ZNF891: variants seen among roughly 807,000 people sequenced by gnomAD.
ZNF891 encodes hCG1646157.
For synonymous variants in ZNF891, 199 were observed against 209.0 expected (o/e 0.95, Z 0.41); for missense variants, 589 against 632.7 (o/e 0.93, Z 0.74).
chr12:133,110,565 G>A lies in ZNF891; in HGVS notation c.*9719C>T, dbSNP rs372943031. ...AAAGCAACAATCAAATGCTTTGGGA[G>A]ACTTAAGATACTCACAAATAGGTAA... is the stretch of plus-strand genomic sequence containing the variant. On this transcript the variant is annotated 3_prime_UTR_variant, in exon 2 of 2. Transcript: ENST00000537226. 3 of 152,210 alleles carry A rather than the reference G, an allele frequency of 2.0e-5. No individual in the cohort carries two copies. The highest frequency in any genetic ancestry group is 1.9e-4 in the East Asian group (1 of 5,200). The allele number at this position is 152,210 out of a possible 1,614,324, so 9.4% of individuals were successfully genotyped here.
At position 133,109,110 on chromosome 12, in the gene ZNF891, G is replaced by A. The variant is rs543747501; in HGVS notation, c.*11174C>T. The stretch of plus-strand genomic sequence containing the variant: ...AAGATTGGACACCTCTGCTTTAGAG[G>A]GAGATGTAACTATCAATGAATTATT... On this transcript the variant is annotated 3_prime_UTR_variant, in exon 2 of 2. Transcript: ENST00000537226. The A allele has an allele frequency of 1.3e-5, 2 of 152,320 alleles. No homozygotes were observed. The highest frequency in any genetic ancestry group is 3.9e-4 in the East Asian group (2 of 5,176). The allele number at this position is 152,320 out of a possible 1,614,324, so 9.4% of individuals were successfully genotyped here. A position where few individuals can be genotyped will look rare whatever the true frequency, so the allele number is the denominator to read the frequency against.
rs1022140557 is a variant in ZNF891 at position 133,105,251 on chromosome 12, A to G, written c.*15033T>C. Among the ~76,000 whole-genome samples, 6 of 152,196 alleles carry G rather than the reference A, an allele frequency of 3.9e-5. No homozygotes were observed. The highest frequency in any genetic ancestry group is 1.9e-4 in the East Asian group (1 of 5,192). ...GAAGACTAGCAACCTATCCTTCACA[A>G]ATATTTCCTGATAGCTCTATTTTCC... On this transcript the variant is annotated 3_prime_UTR_variant, in exon 2 of 2. Transcript: ENST00000537226.
At chr12:133,127,362 T>G (rs1238278864) in intron 1 of ZNF891, among the ~76,000 whole-genome samples, 2 of 152,152 alleles carry the variant, frequency 1.3e-5, no homozygotes, top group Non-Finnish European at 2.9e-5. Context: ...CATCATGAAA[T>G]TTTTGAATAC....
chr12:133,123,225 G>A (rs1488281268), intron 1 of ZNF891, among the ~76,000 whole-genome samples: 1 of 152,128 alleles, frequency 6.6e-6, no homozygotes, highest in Admixed American at 6.6e-5. Flanking sequence ...AGCGTATATA[G>A]GTCTGTCACT....
At position 133,120,779 on chromosome 12, in the gene ZNF891, T is replaced by A; in HGVS notation, c.1140A>T (p.Gln380His). 1 of 1,570,284 alleles carries A rather than the reference T, an allele frequency of 6.4e-7. No homozygotes were observed. ...HTGEKPYECN[Q>H]CGKAFSQKTS... is the part of the protein sequence containing the mutation. ...TTTTTTGACTGAAAGCTTTTCCACATTGATTACATTCATAGGGTTTCTCTC... is the reference window on the plus strand; with the variant it reads ...TTTTTTGACTGAAAGCTTTTCCACAATGATTACATTCATAGGGTTTCTCTC... Residue 380 changes from glutamine to histidine, a missense_variant, in exon 2 of 2, where the codon CAA (glutamine) becomes CAT (histidine). Coordinates refer to ENST00000537226, the MANE Select transcript of ZNF891 (RefSeq NM_001277291.2).
chr12:133,126,334 C>T (rs1456829637), intron 1 of ZNF891, among the ~76,000 whole-genome samples: 2 of 151,672 alleles, frequency 1.3e-5, no homozygotes, highest in Non-Finnish European at 2.9e-5. Context: ...ATTAGCCGGG[C>T]GTGGTGGTGG....
Position 133,116,072 on chromosome 12 carries a change from T to G in ZNF891, c.*4212A>C, listed in dbSNP as rs1955713584. 1 of 152,164 alleles carries G rather than the reference T, an allele frequency of 6.6e-6. No individual in the cohort carries two copies. Among genetic ancestry groups the G allele is most frequent in the African/African-American group, 2.4e-5 (1 of 41,434 alleles). 9.4% of individuals were successfully genotyped at this position (152,164 alleles called of 1,614,324 possible). On this transcript the variant is annotated 3_prime_UTR_variant, in exon 2 of 2. Transcript: ENST00000537226. The stretch of plus-strand genomic sequence containing the variant: ...CAAAGTACAATCCCTTGCTGAGTAC[T>G]CCTTAAGATGATCTCACCCAAGGAC...
Position 133,117,963 on chromosome 12 carries a change from T to G in ZNF891, c.*2321A>C, listed in dbSNP as rs1439924642. 1.5e-5 allele frequency: 2 copies of G among 130,028 alleles called. No homozygotes were observed. The highest frequency in any genetic ancestry group is 3.4e-5 in the Non-Finnish European group (2 of 59,684). 8.1% of individuals were successfully genotyped at this position (130,028 alleles called of 1,614,324 possible). A position where few individuals can be genotyped will look rare whatever the true frequency, so the allele number is the denominator to read the frequency against. ...TCACCTTCCTTTTTTTTTTTTTTTT[T>G]TTGAGATGAAGTCCTGCTCTGTCAC... On this transcript the variant is annotated 3_prime_UTR_variant, in exon 2 of 2. Transcript: ENST00000537226.
Position 133,111,061 on chromosome 12 carries a change from C to A in ZNF891, c.*9223G>T, listed in dbSNP as rs1955679552. On this transcript the variant is annotated 3_prime_UTR_variant, in exon 2 of 2. Transcript: ENST00000537226. ...GAAATTTCAGAGCAAAGAGAGGTAG[C>A]AAAACCTGCCTATTGGGTATGATTG... The A allele has an allele frequency of 6.6e-6, 1 of 152,132 alleles. No individual in the cohort carries two copies. Among genetic ancestry groups the A allele is most frequent in the Non-Finnish European group, 1.5e-5 (1 of 68,028 alleles). The allele number at this position is 152,132 out of a possible 1,614,324, so 9.4% of individuals were successfully genotyped here.
In ZNF891 at chr12:133,114,536, C is replaced by T. The variant is rs188065784; in HGVS notation, c.*5748G>A. 6.6e-6 allele frequency: 1 copy of T among 152,278 alleles called. No individual in the cohort carries two copies. The highest frequency in any genetic ancestry group is 1.9e-4 in the East Asian group (1 of 5,184). The allele number at this position is 152,278 out of a possible 1,614,324, so 9.4% of individuals were successfully genotyped here. ...AGAATGGTAAGTAAAAGAAAAGGCA[C>T]AAAATTTGCTGAAGAACCGTAAATA... On this transcript the variant is annotated 3_prime_UTR_variant, in exon 2 of 2. Transcript: ENST00000537226.
At position 133,110,952 on chromosome 12, in the gene ZNF891, C is replaced by CAACAA. The variant is rs972357618; in HGVS notation, c.*9327_*9331dup. ...TGGGCGACAAAGCAAGATTCCATCT[C>CAACAA]AACAAAACAAAACAAAACCAACAAA... On this transcript the variant is annotated 3_prime_UTR_variant, in exon 2 of 2. Coordinates refer to ENST00000537226, the MANE Select transcript of ZNF891 (RefSeq NM_001277291.2). The CAACAA allele has an allele frequency of 1.1e-4, 16 of 152,054 alleles. No individual in the cohort carries two copies. The highest frequency in any genetic ancestry group is 3.6e-4 in the African/African-American group (15 of 41,448). 9.4% of individuals were successfully genotyped at this position (152,054 alleles called of 1,614,324 possible).
chr12:133,125,507 C>T (rs1429085260), intron 1 of ZNF891: 1 of 164,234 alleles, frequency 6.1e-6, no homozygotes, highest in Non-Finnish European at 1.3e-5. Flanking sequence ...AAGGAAACTC[C>T]TGTCTCTCCT....
chr12:133,120,147 AG>A lies in ZNF891; in HGVS notation c.*136del. ...CCATGGATCAAAAAAAGTCATAATT[AG>A]TATTTACAGAAAATGTTATATTAAA... On this transcript the variant is annotated 3_prime_UTR_variant, in exon 2 of 2. Transcript: ENST00000537226. 1 of 574,216 alleles carries A rather than the reference AG, an allele frequency of 1.7e-6. No homozygotes were observed. The allele number at this position is 574,216 out of a possible 1,614,324, so 35.6% of individuals were successfully genotyped here.
Position 133,106,202 on chromosome 12 carries a change from G to A in ZNF891, c.*14082C>T. 6.2e-7 allele frequency: 1 copy of A among 1,614,112 alleles called. No individual in the cohort carries two copies. The highest frequency in any genetic ancestry group is 8.5e-7 in the Non-Finnish European group (1 of 1,180,022). ...TTATGAATGCATTGAATGTGGGAAG[G>A]CATTTCGCCGTTTCTCACACCTTAC... On this transcript the variant is annotated 3_prime_UTR_variant, in exon 2 of 2. Transcript: ENST00000537226.
At chr12:133,126,860 G>GT (rs1566339245) in intron 1 of ZNF891, among the ~76,000 whole-genome samples, 3 of 148,756 alleles carry the variant, frequency 2.0e-5, no homozygotes, top group Admixed American at 6.7e-5. Flanking sequence ...AAAAGAAAAA[G>GT]TAAGAATAAA....
chr12:133,120,759 T>C lies in ZNF891; in HGVS notation c.1160A>G (p.Gln387Arg), dbSNP rs1454318706. The C allele has an allele frequency of 1.3e-6, 2 of 1,568,018 alleles. No homozygotes were observed. The highest frequency in any genetic ancestry group is 4.7e-5 in the East Asian group (2 of 42,236). ...CATGTGAGCCTTAAGGGATGTTTTT[T>C]GACTGAAAGCTTTTCCACATTGATT... is the stretch of plus-strand genomic sequence containing the variant. ...ECNQCGKAFS[Q>R]KTSLKAHMRT... Residue 387 changes from glutamine to arginine, a missense_variant, in exon 2 of 2, where the codon CAA becomes CGA. Physicochemically the swap from Gln to Arg is conservative, Grantham distance 43. Coordinates refer to ENST00000537226, the MANE Select transcript of ZNF891 (RefSeq NM_001277291.2).
Position 133,105,782 on chromosome 12 carries a change from A to T in ZNF891, c.*14502T>A. On this transcript the variant is annotated 3_prime_UTR_variant, in exon 2 of 2. Transcript: ENST00000537226. ...CTATGGATGCCATGAATGTGGAAAA[A>T]CTTTTGGTCGACGCTTTTCCCTGGT... is the stretch of plus-strand genomic sequence containing the variant. 6.2e-7 allele frequency: 1 copy of T among 1,614,156 alleles called. No homozygotes were observed. The highest frequency in any genetic ancestry group is 8.5e-7 in the Non-Finnish European group (1 of 1,180,030).
chr12:133,108,451 AC>A lies in ZNF891; in HGVS notation c.*11832del, dbSNP rs1955654806. 1 of 151,990 alleles carries A rather than the reference AC, an allele frequency of 6.6e-6. No individual in the cohort carries two copies. The highest frequency in any genetic ancestry group is 2.4e-5 in the African/African-American group (1 of 41,372). The allele number at this position is 151,990 out of a possible 1,614,324, so 9.4% of individuals were successfully genotyped here. A position where few individuals can be genotyped will look rare whatever the true frequency, so the allele number is the denominator to read the frequency against. ...CTGCTCCACATCCACTTTCCTTCCTACTGTTTACTCTGTGGGGATGCACCTC... is the reference window on the plus strand; with the variant it reads ...CTGCTCCACATCCACTTTCCTTCCTATGTTTACTCTGTGGGGATGCACCTC... On this transcript the variant is annotated 3_prime_UTR_variant, in exon 2 of 2. Coordinates refer to ENST00000537226, the MANE Select transcript of ZNF891 (RefSeq NM_001277291.2).
Position 133,106,130 on chromosome 12 carries a change from G to A in ZNF891, c.*14154C>T, listed in dbSNP as rs746469465. ...GAAATGTGGTAAAGCATTTAGCAGT[G>A]GCTCAGAACTCATTCGCCACCAGAT... On this transcript the variant is annotated 3_prime_UTR_variant, in exon 2 of 2. Transcript: ENST00000537226. The A allele has an allele frequency of 6.2e-7, 1 of 1,614,064 alleles. No homozygotes were observed. The highest frequency in any genetic ancestry group is 1.1e-5 in the South Asian group (1 of 91,068).
Sources: allele counts gnomAD v4.1 joint callset (sites outside exome capture counted in the v4.1 genomes callset), GRCh38; gene constraint gnomAD v4.1.1; transcripts MANE v1.5; gene names NCBI Gene and HGNC (gene_info 2026-07-23, HGNC 2026-07-21).